Variants in WHRN observed in about 807,000 individuals in gnomAD.
WHRN encodes the protein whirlin.
In WHRN, 41 loss-of-function variants were observed where a neutral mutation model predicts 68.3. The ratio of observed to expected loss-of-function variants is 0.60; its 90% confidence interval spans 0.47 to 0.78. WHRN has a LOEUF of 0.78. Among genes scored for constraint, WHRN ranks in the 30% least tolerant of loss-of-function variants. The pLI is 0.00. For missense variants in WHRN, 1,243 were observed against 1,244.7 expected (o/e 1.00, Z 0.02); for synonymous variants, 560 against 561.3 (o/e 1.00, Z 0.03).
chr9:114,468,496 A>T (rs566259445), intron 2 of WHRN, among the ~76,000 whole-genome samples: 1 of 152,262 alleles, frequency 6.6e-6, no homozygotes, highest in South Asian at 2.1e-4. Flanking sequence ...GTCAGGAAAG[A>T]GTCCAATAGA....
chr9:114,454,266 ATAAGT>A (rs1839584342), intron 3 of WHRN, among the ~76,000 whole-genome samples: 1 of 152,216 alleles, frequency 6.6e-6, no homozygotes, highest in Non-Finnish European at 1.5e-5. Context: ...AGTCAGTGCA[ATAAGT>A]TAAGAAAAAG....
chr9:114,456,097 C>T (rs937230047), intron 3 of WHRN, among the ~76,000 whole-genome samples: 1 of 147,658 alleles, frequency 6.8e-6, no homozygotes, highest in South Asian at 2.1e-4. Context: ...CATGATAAGT[C>T]AGAGACTGTC....
chr9:114,463,965 ACTGAGC>A (rs1840451841), intron 3 of WHRN, among the ~76,000 whole-genome samples: 1 of 152,112 alleles, frequency 6.6e-6, no homozygotes, highest in Admixed American at 6.5e-5. Context: ...AGCCTCACCT[ACTGAGC>A]CTGTAAAATG....
In WHRN at chr9:114,406,723, G is replaced by A; in HGVS notation, c.1868C>T (p.Ala623Val). ...MPSCSGTVFS[A>V]PQNRSPPAGT... ...CGCTGGCGGGCTGCGGTTCTGTGGA[G>A]CCGAGAAGACAGTGCCCGAGCAGGA... is the stretch of plus-strand genomic sequence containing the variant. Residue 623 changes from alanine (A) to valine (V), a missense_variant, in exon 9 of 12, where the codon GCT (alanine) becomes GTT (valine). Ala to Val is a moderately conservative substitution (Grantham distance 64, BLOSUM62 0). Transcript: ENST00000362057. The A allele has an allele frequency of 6.2e-7, 1 of 1,614,166 alleles. No individual in the cohort carries two copies. The highest frequency in any genetic ancestry group is 8.5e-7 in the Non-Finnish European group (1 of 1,180,034).
intron 1 of WHRN, among the ~76,000 whole-genome samples, chr9:114,488,255 T>C (rs1353861039): frequency 1.3e-5 from 2 of 152,108 alleles, no homozygotes; most frequent in Admixed American, 6.5e-5. Flanking sequence ...AATGAGAAAA[T>C]GTGCATAAAG....
At chr9:114,493,499 A>T (rs1206043697) in intron 1 of WHRN, among the ~76,000 whole-genome samples, 1 of 152,142 alleles carries the variant, frequency 6.6e-6, no homozygotes, top group Admixed American at 6.5e-5. Context: ...CAGCAGAGTT[A>T]ATGACCACCA....
At chr9:114,451,569 C>T (rs1457113200) in intron 3 of WHRN, among the ~76,000 whole-genome samples, 3 of 152,120 alleles carry the variant, frequency 2.0e-5, no homozygotes, top group African/African-American at 4.8e-5. Context: ...GCACACACCA[C>T]ACACACAGGA....
chr9:114,405,470 G>A (rs1236741543), intron 9 of WHRN, among the ~76,000 whole-genome samples: 1 of 152,224 alleles, frequency 6.6e-6, no homozygotes, highest in East Asian at 1.9e-4. Context: ...GATTAAATGA[G>A]TTAATACTAT....
Position 114,426,055 on chromosome 9 carries a change from G to A in WHRN, c.1166+156C>T, listed in dbSNP as rs1836821984. On this transcript the variant is annotated intron_variant, in intron 4 of 11. Coordinates refer to ENST00000362057, the MANE Select transcript of WHRN (RefSeq NM_015404.4). ...GAAACTGAGGCCAAGAGAGGAGAGGGATGTGCCCAGGTCATGTCCTGCCAA... is the reference window on the plus strand; with the variant it reads ...GAAACTGAGGCCAAGAGAGGAGAGGAATGTGCCCAGGTCATGTCCTGCCAA... 4.6e-5 allele frequency: 40 copies of A among 872,108 alleles called. No homozygotes were observed. In the South Asian group the frequency reaches 5.5e-4, roughly 12 times the overall value. The allele number at this position is 872,108 out of a possible 1,614,324, so 54.0% of individuals were successfully genotyped here.
At chr9:114,435,360 G>A (rs373110970) in intron 3 of WHRN, among the ~76,000 whole-genome samples, 19 of 152,214 alleles carry the variant, frequency 1.2e-4, no homozygotes, top group African/African-American at 1.7e-4. Context: ...CAGACAGGCC[G>A]GAGACATTTC....
At position 114,460,797 on chromosome 9, in the gene WHRN, C is replaced by A. The variant is rs186046077; in HGVS notation, c.963+5470G>T. 1.8e-3 allele frequency among the ~76,000 whole-genome samples: 278 copies of A among 152,360 alleles called. 9 individuals carry two copies. In the South Asian group the frequency reaches 0.034, roughly 18 times the overall value. On this transcript the variant is annotated intron_variant, in intron 3 of 11. Coordinates refer to ENST00000362057, the MANE Select transcript of WHRN (RefSeq NM_015404.4). ...AAGCAAAGCAAAAGGCACATTTTCT[C>A]TCCAGGGAAGCTCTGCACAGCAGCA...
At chr9:114,422,745 G>T (rs984629650) in intron 7 of WHRN, among the ~76,000 whole-genome samples, 3 of 145,416 alleles carry the variant, frequency 2.1e-5, no homozygotes, top group African/African-American at 7.3e-5. Flanking sequence ...TGAAGCAGGA[G>T]AACTGCTTGA....
In WHRN at chr9:114,478,779, G is replaced by A; in HGVS notation, c.619-8C>T. The A allele has an allele frequency of 6.2e-7, 1 of 1,608,640 alleles. No individual in the cohort carries two copies. Among genetic ancestry groups the A allele is most frequent in the South Asian group, 1.1e-5 (1 of 90,444 alleles). ...CTTGGAGCCCTTCAGAGCCTAGGGAGAGAGGGATACAAAGGTTAGAGGAAG... is the reference window on the plus strand; with the variant it reads ...CTTGGAGCCCTTCAGAGCCTAGGGAAAGAGGGATACAAAGGTTAGAGGAAG... On this transcript the variant is annotated splice_polypyrimidine_tract_variant and splice_region_variant and intron_variant, in intron 1 of 11. Transcript: ENST00000362057.
Position 114,505,036 on chromosome 9 carries a change from A to C in WHRN, c.-235T>G. The C allele has an allele frequency of 1.9e-6, 1 of 519,790 alleles. No individual in the cohort carries two copies. The highest frequency in any genetic ancestry group is 3.0e-6 in the Non-Finnish European group (1 of 330,346). 32.2% of individuals were successfully genotyped at this position (519,790 alleles called of 1,614,324 possible). A position where few individuals can be genotyped will look rare whatever the true frequency, so the allele number is the denominator to read the frequency against. On this transcript the variant is annotated 5_prime_UTR_variant, in exon 1 of 12. Coordinates refer to ENST00000362057, the MANE Select transcript of WHRN (RefSeq NM_015404.4). The stretch of plus-strand genomic sequence containing the variant: ...CGAACCTGGAATCCGGGGGACGCGG[A>C]GACGTCGGCGGGTTCCTGAGAGACA...
At chr9:114,477,624 C>A (rs753744864) in intron 2 of WHRN, among the ~76,000 whole-genome samples, 1 of 152,136 alleles carries the variant, frequency 6.6e-6, no homozygotes, top group Non-Finnish European at 1.5e-5. Context: ...CCTGCCAGCC[C>A]GTGAGGTGCT....
rs141941745 is a variant in WHRN at position 114,492,703 on chromosome 9, A to G, written c.618+11481T>C. Among the ~76,000 whole-genome samples, 80 of 152,316 alleles carry G rather than the reference A, an allele frequency of 5.3e-4. 2 individuals carry two copies. The East Asian group carries it at 0.015, about 28-fold the overall frequency. On this transcript the variant is annotated intron_variant, in intron 1 of 11. Transcript: ENST00000362057. ...TTTTCAAGTTTTAAAAATTAAGTCC[A>G]GGCTCAGCGTGGTGACTCACACCTG...
chr9:114,498,994 A>G (rs1401240793), intron 1 of WHRN, among the ~76,000 whole-genome samples: 1 of 152,236 alleles, frequency 6.6e-6, no homozygotes, highest in African/African-American at 2.4e-5. Flanking sequence ...TACATACTCC[A>G]GGTGACAATG....
intron 7 of WHRN, among the ~76,000 whole-genome samples, chr9:114,417,717 A>C (rs1020976876): frequency 2.0e-5 from 3 of 152,236 alleles, no homozygotes; most frequent in African/African-American, 7.2e-5. Flanking sequence ...GTGGTGTTGT[A>C]GACCACACAG....
chr9:114,428,281 G>A (rs1021465014), intron 3 of WHRN, among the ~76,000 whole-genome samples: 1 of 152,224 alleles, frequency 6.6e-6, no homozygotes, highest in African/African-American at 2.4e-5. Context: ...AGCCGACATC[G>A]TGCCACTGCA....
Sources: allele counts gnomAD v4.1 joint callset (sites outside exome capture counted in the v4.1 genomes callset), GRCh38; gene constraint gnomAD v4.1.1; transcripts MANE v1.5; gene names NCBI Gene and HGNC (gene_info 2026-07-23, HGNC 2026-07-21).